Variants in TMEM120B observed in about 807,000 individuals in gnomAD.
TMEM120B encodes the protein transmembrane protein 120B.
TMEM120B carries 31 observed loss-of-function variants against 55.5 expected under a neutral mutation model. That is an observed-to-expected ratio of 0.56 (90% CI 0.42 to 0.75). TMEM120B has a LOEUF of 0.75. TMEM120B is among the 30% of genes least tolerant of loss of function. The pLI is 0.00. For missense variants in TMEM120B, 399 were observed against 425.5 expected, an observed-to-expected ratio of 0.94 and a Z score of 0.55; for synonymous variants, 203 against 176.3, an observed-to-expected ratio of 1.15 and a Z score of -1.20.
rs578221745 is a variant in TMEM120B, at chr12:121,746,296, T to G, written c.189-2030T>G. On this transcript the variant is annotated intron_variant, in intron 2 of 11. Coordinates refer to ENST00000449592, the MANE Select transcript of TMEM120B (RefSeq NM_001080825.2). ...TCTGCCTCCCGGGTTCAAGCGATTCTCCTGCCTCAGCCTCCCGAGTAGCTG... is the reference window on the plus strand; with the variant it reads ...TCTGCCTCCCGGGTTCAAGCGATTCGCCTGCCTCAGCCTCCCGAGTAGCTG... 4.7e-4 allele frequency among the ~76,000 whole-genome samples: 72 copies of G among 151,870 alleles called. No individual in the cohort carries two copies. In the South Asian group the frequency reaches 0.015, roughly 31 times the overall value.
At chr12:121,760,321 A>G (rs190653940) in intron 5 of TMEM120B, among the ~76,000 whole-genome samples, 1 of 151,948 alleles carries the variant, frequency 6.6e-6, no homozygotes, top group African/African-American at 2.4e-5. Flanking sequence ...AGTAAAGTAC[A>G]CTTAGAAGAG....
chr12:121,729,003 T>C (rs1186725204), intron 1 of TMEM120B, among the ~76,000 whole-genome samples: 1 of 152,256 alleles, frequency 6.6e-6, no homozygotes. Context: ...GGGAGGCCGA[T>C]GTTCTGACTG....
intron 6 of TMEM120B, 94 bp downstream of exon 6, chr12:121,761,832 A>T (rs1229755819): frequency 5.3e-6 from 5 of 942,172 alleles, no homozygotes; most frequent in African/African-American, 1.6e-5. Flanking sequence ...CTCAGGCTGC[A>T]TTCCTCTCCT....
intron 1 of TMEM120B, among the ~76,000 whole-genome samples, chr12:121,721,814 T>TTTTTTTTTTTTTTTTTTTTTTTTC (rs1566505754): frequency 7.4e-6 from 1 of 134,504 alleles, no homozygotes; most frequent in Non-Finnish European, 1.6e-5. Flanking sequence ...CTTTTTTTTT[T>TTTTTTTTTTTTTTTTTTTTTTTTC]TTTTTTTTTT....
chr12:121,737,712 C>A (rs2137090491), intron 1 of TMEM120B, among the ~76,000 whole-genome samples: 1 of 151,960 alleles, frequency 6.6e-6, no homozygotes, highest in Non-Finnish European at 1.5e-5. Flanking sequence ...AAATGTGGTT[C>A]AGAACTTGCA....
In TMEM120B at chr12:121,769,221, C is replaced by T. The variant is rs1045729411; in HGVS notation, c.552-1686C>T. On this transcript the variant is annotated intron_variant, in intron 6 of 11. Coordinates refer to ENST00000449592, the MANE Select transcript of TMEM120B (RefSeq NM_001080825.2). ...AGTGCTGAGTTCTGGAAACAGAGTT[C>T]CCATAGCCTCTGGACTGGATAGATG... 2.0e-5 allele frequency among the ~76,000 whole-genome samples: 3 copies of T among 151,138 alleles called. No homozygotes were observed. The South Asian group carries it at 6.3e-4, about 32-fold the overall frequency.
chr12:121,748,855 CAG>C (rs1435112987), intron 3 of TMEM120B, among the ~76,000 whole-genome samples: 1 of 152,194 alleles, frequency 6.6e-6, no homozygotes, highest in African/African-American at 2.4e-5. Context: ...TTACAAGATT[CAG>C]AGACATCAGC....
chr12:121,724,772 G>A (rs1175245391), intron 1 of TMEM120B, among the ~76,000 whole-genome samples: 4 of 151,680 alleles, frequency 2.6e-5, no homozygotes, highest in African/African-American at 4.8e-5. Context: ...CACCACACCC[G>A]GCTAAGTTTT....
At chr12:121,724,560 T>C (rs1333542123) in intron 1 of TMEM120B, among the ~76,000 whole-genome samples, 1 of 151,882 alleles carries the variant, frequency 6.6e-6, no homozygotes, top group Non-Finnish European at 1.5e-5. Context: ...GCCTTAACTG[T>C]TTCATAATAA....
chr12:121,753,690 A>G (rs1269215658), intron 5 of TMEM120B, among the ~76,000 whole-genome samples: 3 of 151,858 alleles, frequency 2.0e-5, no homozygotes, highest in Admixed American at 1.3e-4. Context: ...TATGTGAATT[A>G]TATCCCAATT....
intron 6 of TMEM120B, among the ~76,000 whole-genome samples, chr12:121,762,588 T>G (rs899336803): frequency 2.0e-5 from 3 of 152,134 alleles, no homozygotes; most frequent in African/African-American, 7.2e-5. Context: ...ACACCCACCC[T>G]GATAGCCGTC....
Position 121,780,922 on chromosome 12 carries a change from G to C in TMEM120B, c.*5200G>C, listed in dbSNP as rs758161621. On this transcript the variant is annotated 3_prime_UTR_variant, in exon 12 of 12. Coordinates refer to ENST00000449592, the MANE Select transcript of TMEM120B (RefSeq NM_001080825.2). ...TGGGCGGCCCGGAGCTTCCGCAGCTGCTCCTTGTCCTTCCTCAGGTCTGTC... is the reference window on the plus strand; with the variant it reads ...TGGGCGGCCCGGAGCTTCCGCAGCTCCTCCTTGTCCTTCCTCAGGTCTGTC... 2.0e-5 allele frequency: 32 copies of C among 1,613,876 alleles called. No individual in the cohort carries two copies. Among genetic ancestry groups the C allele is most frequent in the Non-Finnish European group, 2.6e-5 (31 of 1,179,976 alleles).
At chr12:121,724,835 C>T (rs776600659) in intron 1 of TMEM120B, among the ~76,000 whole-genome samples, 11 of 149,836 alleles carry the variant, frequency 7.3e-5, no homozygotes, top group Non-Finnish European at 3.0e-5. Context: ...TGGTCTCGAT[C>T]TCCTGACTTT....
At chr12:121,773,372 C>T (rs770311640) in intron 8 of TMEM120B, 49 bp from the exon 9 acceptor site, 21 of 1,542,798 alleles carry the variant, frequency 1.4e-5, no homozygotes, top group Non-Finnish European at 1.9e-5. Context: ...GTGGCCCTGT[C>T]TTCCGGGGAC....
At chr12:121,719,545 C>T (rs923791665) in intron 1 of TMEM120B, among the ~76,000 whole-genome samples, 2 of 152,116 alleles carry the variant, frequency 1.3e-5, no homozygotes, top group Admixed American at 1.3e-4. Context: ...GAGATCCTGC[C>T]ACTGCACCCC....
At chr12:121,772,567 G>GGTGCCTGCCACC (rs1874102015) in intron 8 of TMEM120B, among the ~76,000 whole-genome samples, 1 of 151,834 alleles carries the variant, frequency 6.6e-6, no homozygotes, top group African/African-American at 2.4e-5. Context: ...TGGGATTACA[G>GGTGCCTGCCACC]GTGCCTGCCA....
rs1190850168 is a variant in TMEM120B at position 121,776,024 on chromosome 12, G to C, written c.*302G>C. 1.7e-6 allele frequency: 1 copy of C among 589,676 alleles called. No individual in the cohort carries two copies. The highest frequency in any genetic ancestry group is 3.0e-6 in the Non-Finnish European group (1 of 331,142). 36.5% of individuals were successfully genotyped at this position (589,676 alleles called of 1,614,324 possible). On this transcript the variant is annotated 3_prime_UTR_variant, in exon 12 of 12. Coordinates refer to ENST00000449592, the MANE Select transcript of TMEM120B (RefSeq NM_001080825.2). ...TGGGGATGGGGCCTGAAGCCTCAGG[G>C]AGCCCCTCTGTTCCCACTCCTGTCA... is the stretch of plus-strand genomic sequence containing the variant.
chr12:121,752,333 G>A, intron 5 of TMEM120B, 110 bp downstream of exon 5: 2 of 892,524 alleles, frequency 2.2e-6, no homozygotes, highest in Non-Finnish European at 3.6e-6. Flanking sequence ...GTGTTGTTTG[G>A]CATGATGAGG....
Position 121,778,576 on chromosome 12 carries a change from C to T in TMEM120B, c.*2854C>T, listed in dbSNP as rs1187431240. Reference sequence around the variant, plus strand: ...ATGAACCAGTTCTGAGAAACTGTCCCGCGTGGACAGGGGGTAGATCCCATC... The same window carrying T: ...ATGAACCAGTTCTGAGAAACTGTCCTGCGTGGACAGGGGGTAGATCCCATC... On this transcript the variant is annotated 3_prime_UTR_variant, in exon 12 of 12. Coordinates refer to ENST00000449592, the MANE Select transcript of TMEM120B (RefSeq NM_001080825.2). 8 of 152,108 alleles carry T rather than the reference C, an allele frequency of 5.3e-5. No individual in the cohort carries two copies. The highest frequency in any genetic ancestry group is 1.3e-4 in the Admixed American group (2 of 15,258). 9.4% of individuals were successfully genotyped at this position (152,108 alleles called of 1,614,324 possible). A position where few individuals can be genotyped will look rare whatever the true frequency, so the allele number is the denominator to read the frequency against.
Sources: gnomAD v4.1 joint callset for allele counts (sites outside exome capture counted in the v4.1 genomes callset) on GRCh38, gnomAD v4.1.1 for gene constraint, MANE v1.5 for transcripts, NCBI Gene and HGNC (gene_info 2026-07-23, HGNC 2026-07-21) for gene names.